NNMT: variants seen among roughly 807,000 people sequenced by gnomAD.
NNMT encodes nicotinamide N-methyltransferase.
NNMT carries 10 observed loss-of-function variants against 11.7 expected under a neutral mutation model. The observed-to-expected ratio is 0.85, with a 90% CI of 0.53 to 1.45. The LOEUF is 1.45. NNMT is among the 40% of genes most tolerant of loss of function. The pLI is 0.00. For missense variants in NNMT, 381 were observed against 319.4 expected (o/e 1.19, Z -1.47); for synonymous variants, 143 against 133.8 (o/e 1.07, Z -0.48).
intron 2 of NNMT, among the ~76,000 whole-genome samples, chr11:114,299,511 G>C (rs915869253): frequency 6.6e-6 from 1 of 152,186 alleles, no homozygotes; most frequent in Non-Finnish European, 1.5e-5. Flanking sequence ...TTTGATATCA[G>C]CATGATGCTG....
intron 1 of NNMT, among the ~76,000 whole-genome samples, chr11:114,258,331 A>G (rs1388759477): frequency 6.6e-6 from 1 of 152,238 alleles, no homozygotes; most frequent in East Asian, 1.9e-4. Flanking sequence ...CTCTCCTCCC[A>G]GTCGCTCTGA....
At chr11:114,300,258 TTTA>T (rs1448106849) in intron 2 of NNMT, among the ~76,000 whole-genome samples, 1 of 152,158 alleles carries the variant, frequency 6.6e-6, no homozygotes, top group Non-Finnish European at 1.5e-5. Flanking sequence ...ATGTGGTATT[TTTA>T]TTATTTTCAA....
At chr11:114,263,345 C>G (rs945228063) in intron 2 of NNMT, among the ~76,000 whole-genome samples, 4 of 152,208 alleles carry the variant, frequency 2.6e-5, no homozygotes, top group African/African-American at 9.6e-5. Context: ...CTGCTTCCTA[C>G]TTAGCTCTTT....
intron 2 of NNMT, among the ~76,000 whole-genome samples, chr11:114,277,310 C>T (rs1211724465): frequency 6.6e-6 from 1 of 151,972 alleles, no homozygotes; most frequent in Non-Finnish European, 1.5e-5. Context: ...CGTAAGACCC[C>T]AAAGATATAA....
rs573321684 is a variant in NNMT at position 114,273,067 on chromosome 11, C to A, written c.-130+10133C>A. 9.8e-5 allele frequency among the ~76,000 whole-genome samples: 15 copies of A among 152,292 alleles called. No homozygotes were observed. In the South Asian group the frequency reaches 2.7e-3, roughly 27 times the overall value. On this transcript the variant is annotated intron_variant, in intron 2 of 4. Coordinates refer to the NNMT transcript ENST00000535401. Reference sequence around the variant, plus strand: ...GTATGTGCCTCTGATTTTATATTGCCTATGGACCTGACTACTGTAGTGTGG... The same window carrying A: ...GTATGTGCCTCTGATTTTATATTGCATATGGACCTGACTACTGTAGTGTGG...
rs137978367 is a variant in NNMT, at chr11:114,298,043, G to A, written c.247G>A (p.Val83Ile). The A allele has an allele frequency of 1.2e-5, 19 of 1,613,930 alleles. No homozygotes were observed. Among genetic ancestry groups the A allele is most frequent in the South Asian group, 3.3e-5 (3 of 91,084 alleles). Residue 83 changes from valine to isoleucine, a missense_variant, in exon 2 of 3, where the codon GTC becomes ATC. Physicochemically the swap from Val to Ile is conservative, Grantham distance 29. Transcript: ENST00000299964. ...TTGTGAATCCTTTAAGGAGATCGTC[G>A]TCACTGACTACTCAGACCAGAACCT... The part of the protein sequence containing the change: ...SACESFKEIV[V>I]TDYSDQNLQE...
At chr11:114,268,270 G>A (rs1436291403) in intron 2 of NNMT, among the ~76,000 whole-genome samples, 1 of 152,210 alleles carries the variant, frequency 6.6e-6, no homozygotes, top group Admixed American at 6.5e-5. Flanking sequence ...GAACTTCACA[G>A]ATGAGCTAAT....
At chr11:114,278,580 G>A (rs1185227941) in intron 2 of NNMT, among the ~76,000 whole-genome samples, 1 of 151,948 alleles carries the variant, frequency 6.6e-6, no homozygotes, top group East Asian at 1.9e-4. Context: ...AGAGGTGACT[G>A]TTGGTAGGGG....
At chr11:114,295,427 T>TC (rs1403049927), upstream of NNMT, among the ~76,000 whole-genome samples, 9 of 139,900 alleles carry the variant, frequency 6.4e-5, no homozygotes, top group Admixed American at 2.8e-4. Flanking sequence ...TTCTTTTTTT[T>TC]TTTTTTTTTT....
upstream of NNMT, among the ~76,000 whole-genome samples, chr11:114,291,769 T>C (rs1250669104): frequency 1.3e-5 from 2 of 152,160 alleles, no homozygotes; most frequent in African/African-American, 4.8e-5. Context: ...GCCCAGTGAG[T>C]TTCTGCATTT....
At chr11:114,261,398 A>G (rs926678929) in intron 1 of NNMT, among the ~76,000 whole-genome samples, 3 of 152,202 alleles carry the variant, frequency 2.0e-5, no homozygotes, top group African/African-American at 4.8e-5. Flanking sequence ...CCTGGCCAAC[A>G]TGGAGAAACC....
chr11:114,307,581 C>G (rs1945504330), intron 2 of NNMT, among the ~76,000 whole-genome samples: 1 of 152,090 alleles, frequency 6.6e-6, no homozygotes, highest in African/African-American at 2.4e-5. Flanking sequence ...TCATGTCACT[C>G]TCCTCCTTAG....
intron 2 of NNMT, among the ~76,000 whole-genome samples, chr11:114,311,806 T>C (rs761945947): frequency 2.6e-5 from 4 of 152,080 alleles, no homozygotes; most frequent in Non-Finnish European, 4.4e-5. Flanking sequence ...GGCTGCTAGG[T>C]ATTATTATCG....
At chr11:114,276,696 G>A (rs1945215948) in intron 2 of NNMT, among the ~76,000 whole-genome samples, 1 of 152,194 alleles carries the variant, frequency 6.6e-6, no homozygotes, top group African/African-American at 2.4e-5. Flanking sequence ...GAGAAGAGGG[G>A]AGAGCCCCCC....
Position 114,264,859 on chromosome 11 carries a change from A to T in NNMT, c.-130+1925A>T, listed in dbSNP as rs7114276. Among the ~76,000 whole-genome samples, 753 of 152,360 alleles carry T rather than the reference A, an allele frequency of 4.9e-3. 3 individuals are homozygous for T. The highest frequency in any genetic ancestry group is 0.017 in the African/African-American group (721 of 41,588). Reference sequence around the variant, plus strand: ...GTTGAAGAGATGCATAGGGCAAAGTATGGGAAGGGGCTTGGCACTTCCATA... The same window carrying T: ...GTTGAAGAGATGCATAGGGCAAAGTTTGGGAAGGGGCTTGGCACTTCCATA... On this transcript the variant is annotated intron_variant, in intron 2 of 4. Transcript: ENST00000535401.
At chr11:114,306,993 C>T (rs750663704) in intron 2 of NNMT, among the ~76,000 whole-genome samples, 34 of 152,224 alleles carry the variant, frequency 2.2e-4, no homozygotes, top group Non-Finnish European at 8.8e-5. Context: ...ACTTTCACAG[C>T]TTGCAAAAGG....
At chr11:114,269,216 A>G (rs2135246213) in intron 2 of NNMT, among the ~76,000 whole-genome samples, 1 of 152,276 alleles carries the variant, frequency 6.6e-6, no homozygotes, top group Non-Finnish European at 1.5e-5. Context: ...TAATTAATGT[A>G]TTTTGGATGA....
At chr11:114,308,757 TC>T (rs1246988576) in intron 2 of NNMT, among the ~76,000 whole-genome samples, 6 of 152,144 alleles carry the variant, frequency 3.9e-5, no homozygotes, top group Non-Finnish European at 8.8e-5. Flanking sequence ...TGAGTCCATT[TC>T]CCTGCGTTGC....
rs553816197 is a variant in NNMT, at chr11:114,310,488, C to T, written c.363-1557C>T. On this transcript the variant is annotated intron_variant, in intron 2 of 2. Transcript: ENST00000299964. ...GATTTTAAGTGAATATTTAAGATGC[C>T]CATGACTAGTGTCCACTCTCTCGAA... is the stretch of plus-strand genomic sequence containing the variant. Among the ~76,000 whole-genome samples the T allele has an allele frequency of 1.6e-3, 245 of 152,308 alleles. 1 individual carries two copies. The highest frequency in any genetic ancestry group is 5.7e-3 in the African/African-American group (236 of 41,568).
Sources: allele counts gnomAD v4.1 joint callset (sites outside exome capture counted in the v4.1 genomes callset), GRCh38; gene constraint gnomAD v4.1.1; transcripts MANE v1.5; gene names NCBI Gene and HGNC (gene_info 2026-07-23, HGNC 2026-07-21).